The following TCERG1 variants were observed in gnomAD, a reference collection of about 807,000 sequenced individuals.
The protein encoded by TCERG1 is transcription elongation regulator 1, also known as TATA box binding protein (TBP)-associated factor, RNA polymerase II, S, 150kD.
TCERG1 carries 37 observed loss-of-function variants against 144.7 expected under a neutral mutation model. The ratio of observed to expected loss-of-function variants is 0.26; its 90% CI spans 0.20 to 0.34. The LOEUF (loss-of-function observed/expected upper bound fraction) is 0.34, where lower values mean the gene tolerates loss of function less well. Ranked by LOEUF, TCERG1 falls within the 10% of genes least tolerant of loss-of-function variation. The pLI, the probability that TCERG1 is intolerant of heterozygous loss-of-function variation, is 1.00. For missense variants in TCERG1, 1,027 were observed against 1,380.7 expected, an observed-to-expected ratio of 0.74 and a Z score of 4.06; for synonymous variants, 492 against 458.2, an observed-to-expected ratio of 1.07 and a Z score of -0.94.
At position 146,463,591 on chromosome 5, in the gene TCERG1, A is replaced by G. The variant is rs776187317; in HGVS notation, c.933A>G (p.Ser311=). 1.3e-5 allele frequency: 21 copies of G among 1,614,072 alleles called. No homozygotes were observed. The East Asian group carries it at 2.2e-4, about 17-fold the overall frequency. Residue 311 remains serine (S), a synonymous_variant, in exon 5 of 23, where the codon TCA becomes TCG. Coordinates refer to ENST00000679501, the MANE Select transcript of TCERG1 (RefSeq NM_001382548.1). ...TQDQTPSSAV[S]VATPTVSVST... The stretch of plus-strand genomic sequence containing the variant: ...ATCAGACCCCAAGTTCTGCTGTTTC[A>G]GTTGCCACGCCTACAGTTAGTGTTT...
chr5:146,492,972 A>T lies in TCERG1; in HGVS notation c.2216A>T (p.Lys739Ile). The change falls in exon 16 of 23, where the codon AAA becomes ATA. Residue 739 changes from lysine to isoleucine, a missense_variant. Around this residue, in one of 6 missense-constraint regions of TCERG1, gnomAD observed 482 missense variants for 632.6 expected, o/e 0.76. Coordinates refer to ENST00000679501, the MANE Select transcript of TCERG1 (RefSeq NM_001382548.1). ...GCAGAGGAAGAACGCAGGGAAAAGA[A>T]AAATAAAATAATGCAAGCCAAGGAA... Reference protein sequence around the residue: ...TRAEEERREKKNKIMQAKEDF... With the variant: ...TRAEEERREKINKIMQAKEDF... The T allele has an allele frequency of 6.2e-7, 1 of 1,608,462 alleles. No homozygotes were observed. Among genetic ancestry groups the T allele is most frequent in the Non-Finnish European group, 8.5e-7 (1 of 1,177,964 alleles).
In TCERG1 at chr5:146,503,397, T is replaced by C; in HGVS notation, c.2456T>C (p.Leu819Pro). The change falls in exon 18 of 23, where the codon CTA becomes CCA. Residue 819 changes from leucine to proline, a missense_variant. Physicochemically the swap from Leu to Pro is moderately conservative, Grantham distance 98 (BLOSUM62 -3). Coordinates refer to ENST00000679501, the MANE Select transcript of TCERG1 (RefSeq NM_001382548.1). ...CAGATTAAATCGGATTTCTTTGAAC[T>C]ATTATCTAATCATCACTTGGACAGT... ...GEKIKSDFFE[L>P]LSNHHLDSQS... 1 of 1,613,402 alleles carries C rather than the reference T, an allele frequency of 6.2e-7. No homozygotes were observed. The highest frequency in any genetic ancestry group is 8.5e-7 in the Non-Finnish European group (1 of 1,179,592).
At chr5:146,469,983 T>C (rs1764139088) in intron 7 of TCERG1, among the ~76,000 whole-genome samples, 1 of 152,226 alleles carries the variant, frequency 6.6e-6, no homozygotes, top group African/African-American at 2.4e-5. Flanking sequence ...CATATGTATG[T>C]ACATATTTTT....
chr5:146,458,626 C>G (rs570310432), intron 3 of TCERG1, among the ~76,000 whole-genome samples: 2 of 152,102 alleles, frequency 1.3e-5, no homozygotes, highest in East Asian at 1.9e-4. Context: ...ATGCCGGCCA[C>G]CACACCTGGC....
At chr5:146,463,267 C>T (rs113204096) in intron 4 of TCERG1, among the ~76,000 whole-genome samples, 152 of 152,180 alleles carry the variant, frequency 1.0e-3, no homozygotes, top group African/African-American at 3.3e-3. Context: ...TTTTTCAAGG[C>T]GCAGCATCCC....
In TCERG1 at chr5:146,507,295, C is replaced by T; in HGVS notation, c.2961+88C>T. On this transcript the variant is annotated intron_variant, in intron 20 of 22. Transcript: ENST00000679501. This position sits in a 1 kb window ranked among gnomAD's most constrained non-coding sequence, Gnocchi z 4.6. The stretch of plus-strand genomic sequence containing the variant: ...AAAGCATTGATATGATTTTTAGTGT[C>T]ATGGTCTTTAGATTCATTACTGGAA... 7.8e-7 allele frequency: 1 copy of T among 1,283,316 alleles called. No homozygotes were observed. The highest frequency in any genetic ancestry group is 1.1e-6 in the Non-Finnish European group (1 of 944,794). 79.5% of individuals were successfully genotyped at this position (1,283,316 alleles called of 1,614,324 possible). A position where few individuals can be genotyped will look rare whatever the true frequency, so the allele number is the denominator to read the frequency against.
At chr5:146,506,917 G>T in intron 19 of TCERG1, 111 bp from the exon 20 acceptor site, 1 of 851,150 alleles carries the variant, frequency 1.2e-6, no homozygotes, top group South Asian at 2.9e-5. Context: ...TAGACACTTA[G>T]GTTGATTCCA....
chr5:146,477,780 C>G (rs1764989299), intron 9 of TCERG1, among the ~76,000 whole-genome samples: 1 of 150,278 alleles, frequency 6.7e-6, no homozygotes, highest in Non-Finnish European at 1.5e-5. Context: ...TTACTGCAGC[C>G]TTGACCTCCC....
intron 19 of TCERG1, among the ~76,000 whole-genome samples, chr5:146,506,472 T>A (rs997235140): frequency 5.1e-4 from 77 of 152,240 alleles, no homozygotes; most frequent in African/African-American, 1.7e-3. Flanking sequence ...CAAAGCTGTT[T>A]AACATATTCA....
intron 6 of TCERG1, among the ~76,000 whole-genome samples, chr5:146,468,936 T>C (rs1764035404): frequency 6.6e-6 from 1 of 152,056 alleles, no homozygotes; most frequent in South Asian, 2.1e-4. Flanking sequence ...ATTTTATTTA[T>C]ATATTACCAG....
intron 2 of TCERG1, among the ~76,000 whole-genome samples, chr5:146,456,933 A>G (rs1581384377): frequency 6.6e-6 from 1 of 152,228 alleles, no homozygotes; most frequent in Non-Finnish European, 1.5e-5. Flanking sequence ...CAGATCATGT[A>G]GAAAGGAGAA....
At chr5:146,486,392 G>A (rs202241943) in intron 15 of TCERG1, among the ~76,000 whole-genome samples, 1 of 152,068 alleles carries the variant, frequency 6.6e-6, no homozygotes. Flanking sequence ...TACTTAAGGG[G>A]TCTGAAATGT....
At chr5:146,505,271 A>G (rs1316799717) in intron 19 of TCERG1, among the ~76,000 whole-genome samples, 2 of 152,000 alleles carry the variant, frequency 1.3e-5, no homozygotes, top group Non-Finnish European at 2.9e-5. Context: ...TACCTCTAAC[A>G]TTCCCTCAAA....
At position 146,490,041 on chromosome 5, in the gene TCERG1, G is replaced by A. The variant is rs187469372; in HGVS notation, c.2164-2879G>A. 2.7e-4 allele frequency among the ~76,000 whole-genome samples: 41 copies of A among 152,272 alleles called. No homozygotes were observed. The East Asian group carries it at 7.3e-3, about 27-fold the overall frequency. On this transcript the variant is annotated intron_variant, in intron 15 of 22. Transcript: ENST00000679501. The stretch of plus-strand genomic sequence containing the variant: ...TAATACAAATTCCCTTGAATTTTAG[G>A]TATCATTTAATATTTTATTTATAAG...
intron 9 of TCERG1, among the ~76,000 whole-genome samples, chr5:146,476,596 T>C (rs933195793): frequency 6.6e-6 from 1 of 152,198 alleles, no homozygotes; most frequent in Non-Finnish European, 1.5e-5. Context: ...TTCAAAGTTA[T>C]AAAAACAGTC....
chr5:146,501,262 GAAT>G (rs373459226), intron 17 of TCERG1, among the ~76,000 whole-genome samples: 1 of 152,080 alleles, frequency 6.6e-6, no homozygotes, highest in Non-Finnish European at 1.5e-5. Flanking sequence ...GGAATGGGGA[GAAT>G]AATAAGGCCT....
chr5:146,468,733 C>T (rs192372059), intron 6 of TCERG1, among the ~76,000 whole-genome samples: 5 of 151,720 alleles, frequency 3.3e-5, no homozygotes, highest in Admixed American at 2.6e-4. Flanking sequence ...TATAAAAAAA[C>T]ATTTCCATGT....
chr5:146,504,533 G>GACTAC (rs1341703094), intron 19 of TCERG1: 2 of 152,304 alleles, frequency 1.3e-5, no homozygotes, highest in Non-Finnish European at 2.9e-5. Context: ...AATGACCCTA[G>GACTAC]ACTACCGTCC....
At chr5:146,496,465 A>G (rs1172016796) in intron 16 of TCERG1, among the ~76,000 whole-genome samples, 1 of 152,138 alleles carries the variant, frequency 6.6e-6, no homozygotes, top group Non-Finnish European at 1.5e-5. Flanking sequence ...GATAATTGTT[A>G]GTGATCTAAC....
Sources: allele counts gnomAD v4.1 joint callset (sites outside exome capture counted in the v4.1 genomes callset), GRCh38; gene constraint gnomAD v4.1.1; regional missense constraint gnomAD v4.1.1; non-coding constraint Gnocchi (gnomAD v3.1); transcripts MANE v1.5; gene names NCBI Gene and HGNC (gene_info 2026-07-23, HGNC 2026-07-21).